NPIPB2: variants seen among roughly 807,000 people sequenced by gnomAD.
The protein encoded by NPIPB2 is nuclear pore complex interacting protein family member B2, also known as nuclear pore complex-interacting protein family member B2.
NPIPB2 carries 27 observed loss-of-function variants against 30.8 expected under a neutral mutation model. The observed-to-expected ratio is 0.88, with a 90% confidence interval of 0.65 to 1.21. NPIPB2 has a LOEUF of 1.21. Ranked by LOEUF, NPIPB2 falls within the 50% of genes most tolerant of loss-of-function variation. The pLI, the probability that NPIPB2 is intolerant of heterozygous loss-of-function variation, is 0.00. For missense variants in NPIPB2, 440 were observed against 446.2 expected (o/e 0.99, Z 0.13); for synonymous variants, 147 against 162.0 (o/e 0.91, Z 0.70).
intron 1 of NPIPB2, among the ~76,000 whole-genome samples, chr16:11,947,499 C>A (rs767003451): frequency 2.5e-4 from 38 of 151,618 alleles, no homozygotes; most frequent in Non-Finnish European, 5.0e-4. Flanking sequence ...CGCACGATGC[C>A]ACGCCCCGCT....
chr16:11,958,656 A>T (rs1362251061), intron 1 of NPIPB2, among the ~76,000 whole-genome samples: 8 of 152,044 alleles, frequency 5.3e-5, no homozygotes, highest in Non-Finnish European at 8.8e-5. Context: ...TGGGATGATC[A>T]CTTGGGCCGG....
At chr16:11,970,372 T>G (rs904629396) in intron 1 of NPIPB2, among the ~76,000 whole-genome samples, 2 of 151,698 alleles carry the variant, frequency 1.3e-5, no homozygotes, top group African/African-American at 4.8e-5. Context: ...GCCACCATGC[T>G]CAGCTAGTTT....
At chr16:11,943,870 C>G (rs1020087421), upstream of NPIPB2, among the ~76,000 whole-genome samples, 5 of 149,950 alleles carry the variant, frequency 3.3e-5, no homozygotes, top group Non-Finnish European at 7.4e-5. Flanking sequence ...TGGTGGCGGG[C>G]GCCTGTAATC....
chr16:11,973,771 C>G (rs1407995851), intron 1 of NPIPB2, among the ~76,000 whole-genome samples: 2 of 152,044 alleles, frequency 1.3e-5, no homozygotes, highest in African/African-American at 4.8e-5. Context: ...GCTGGGATTA[C>G]AGGTGTGAGC....
chr16:11,946,165 C>G (rs1261592217), upstream of NPIPB2, among the ~76,000 whole-genome samples: 1 of 151,838 alleles, frequency 6.6e-6, no homozygotes, highest in East Asian at 1.9e-4. Flanking sequence ...GCGGGCAGAT[C>G]GCCTGAGGTC....
At chr16:11,933,456 G>C (rs2054818251) in intron 4 of NPIPB2, 61 bp downstream of exon 4, 26 of 1,593,142 alleles carry the variant, frequency 1.6e-5, no homozygotes, top group Non-Finnish European at 2.2e-5. Context: ...GGACTTTACA[G>C]TTGTCTACTT....
chr16:11,936,705 A>C (rs1476224223), intron 2 of NPIPB2, among the ~76,000 whole-genome samples: 1 of 145,212 alleles, frequency 6.9e-6, no homozygotes, highest in Non-Finnish European at 1.5e-5. Context: ...CTTACCAAGT[A>C]CAGACTTTTG....
chr16:11,939,297 C>G (rs897443062), intron 1 of NPIPB2, among the ~76,000 whole-genome samples: 1 of 151,880 alleles, frequency 6.6e-6, no homozygotes, highest in African/African-American at 2.4e-5. Context: ...CGTGGTGGCT[C>G]ACGCCTGCAA....
At chr16:11,967,998 T>C (rs2055209542) in intron 1 of NPIPB2, 1 of 865,868 alleles carries the variant, frequency 1.2e-6, no homozygotes, top group Non-Finnish European at 1.7e-6. Flanking sequence ...GATATATTTC[T>C]CTAGGTTACT....
intron 1 of NPIPB2, among the ~76,000 whole-genome samples, chr16:11,975,998 C>T (rs2150950843): frequency 6.6e-6 from 1 of 152,124 alleles, no homozygotes; most frequent in Non-Finnish European, 1.5e-5. Flanking sequence ...CCAGGCTGCT[C>T]TTGAACTGCT....
intron 4 of NPIPB2, among the ~76,000 whole-genome samples, chr16:11,933,256 A>G (rs75767224): frequency 8.2e-6 from 1 of 122,236 alleles, no homozygotes; most frequent in African/African-American, 3.6e-5. Flanking sequence ...CCATCTCAGG[A>G]AAAAAAAAAA....
exon 3 of NPIPB2, chr16:11,933,898 C>T (rs773192234): frequency 5.3e-5 from 83 of 1,556,482 alleles, no homozygotes; most frequent in Non-Finnish European, 6.7e-5. Flanking sequence ...CATTTTCAGA[C>T]TGGAAGATAG....
At chr16:11,945,633 G>A (rs946619500), upstream of NPIPB2, among the ~76,000 whole-genome samples, 6 of 151,856 alleles carry the variant, frequency 4.0e-5, no homozygotes, top group Non-Finnish European at 8.8e-5. Context: ...AGCTGAAATC[G>A]TGCCAGTGCA....
intron 1 of NPIPB2, among the ~76,000 whole-genome samples, chr16:11,974,792 T>G (rs2055258637): frequency 1.3e-5 from 2 of 151,812 alleles, no homozygotes; most frequent in South Asian, 4.2e-4. Flanking sequence ...CATAACAATG[T>G]GCAGGGCGCG....
chr16:11,953,541 G>C (rs538362102), intron 1 of NPIPB2, among the ~76,000 whole-genome samples: 1 of 151,792 alleles, frequency 6.6e-6, no homozygotes. Flanking sequence ...TAATAGAGAC[G>C]GAGTTTCCCC....
At chr16:11,936,165 A>G (rs2054864419) in intron 2 of NPIPB2, among the ~76,000 whole-genome samples, 1 of 147,172 alleles carries the variant, frequency 6.8e-6, no homozygotes, top group East Asian at 2.1e-4. Flanking sequence ...TTAGCTGGGC[A>G]TGGTGGTGGG....
chr16:11,941,807 A>G, intron 1 of NPIPB2, 176 bp downstream of exon 1: 3 of 1,282,840 alleles, frequency 2.3e-6, no homozygotes, highest in Non-Finnish European at 3.3e-6. Flanking sequence ...TCTCCTCCCA[A>G]GGACAGGTCC....
intron 1 of NPIPB2, among the ~76,000 whole-genome samples, chr16:11,951,625 T>TACAC (rs1214348316): frequency 0.19 from 18,001 of 95,536 alleles, 1,641 homozygotes; most frequent in Admixed American, 0.24. Flanking sequence ...CACATACACA[T>TACAC]ACACACACAC....
exon 4 of NPIPB2, chr16:11,933,625 C>A: frequency 6.3e-7 from 1 of 1,596,532 alleles, no homozygotes; most frequent in Non-Finnish European, 8.5e-7. Flanking sequence ...CACATGTCTC[C>A]GTAGAGTAAT....
Sources: gnomAD v4.1 joint callset for allele counts (sites outside exome capture counted in the v4.1 genomes callset) on GRCh38, gnomAD v4.1.1 for gene constraint, MANE v1.5 for transcripts, NCBI Gene and HGNC (gene_info 2026-07-23, HGNC 2026-07-21) for gene names.